The following CSMD1 variants were observed in gnomAD, a reference collection of about 807,000 sequenced individuals.
CSMD1 encodes CUB and Sushi multiple domains 1.
In CSMD1, 213 loss-of-function variants were observed where a neutral mutation model predicts 417.5. The ratio of observed to expected loss-of-function variants is 0.51; its 90% CI spans 0.46 to 0.57. The LOEUF is 0.57. Ranked by LOEUF, CSMD1 falls within the 20% of genes least tolerant of loss-of-function variation. The pLI is 0.00. For synonymous variants in CSMD1, 2,862 were observed against 1,736.8 expected (o/e 1.65, Z -16.11); for missense variants, 6,923 against 4,529.7 (o/e 1.53, Z -15.17).
intron 3 of CSMD1, among the ~76,000 whole-genome samples, chr8:4,071,437 G>A (rs1383924089): frequency 6.6e-6 from 1 of 151,990 alleles, no homozygotes; most frequent in Non-Finnish European, 1.5e-5. Flanking sequence ...TTATTCATTT[G>A]ATTTTCATTT....
intron 41 of CSMD1, among the ~76,000 whole-genome samples, chr8:3,125,255 G>A (rs537101350): frequency 2.0e-5 from 3 of 152,296 alleles, no homozygotes; most frequent in South Asian, 2.1e-4. Flanking sequence ...GTTTCATAGT[G>A]CCTGTGCTGG....
intron 30 of CSMD1, among the ~76,000 whole-genome samples, chr8:3,208,333 G>T (rs10093195): frequency 6.6e-6 from 1 of 151,914 alleles, no homozygotes; most frequent in Non-Finnish European, 1.5e-5. Flanking sequence ...GTGGTGTGAT[G>T]TCAGCTCACT....
At chr8:4,014,925 G>A (rs553296750) in intron 4 of CSMD1, among the ~76,000 whole-genome samples, 11 of 152,204 alleles carry the variant, frequency 7.2e-5, no homozygotes, top group Admixed American at 2.0e-4. Context: ...TTTTAAGCCT[G>A]TTACAAGATT....
chr8:3,209,527 G>T (rs75045786), intron 30 of CSMD1, among the ~76,000 whole-genome samples: 3,201 of 152,020 alleles, frequency 0.021, 108 homozygotes, highest in African/African-American at 0.072. Flanking sequence ...CACCATGTTA[G>T]CCAGGATGTT....
chr8:4,031,884 A>G (rs776502728), intron 4 of CSMD1, 21 bp downstream of exon 4: 2 of 1,587,604 alleles, frequency 1.3e-6, no homozygotes, highest in Non-Finnish European at 1.7e-6. Context: ...TCTGCTCACC[A>G]GCCCCCTTGT....
intron 23 of CSMD1, among the ~76,000 whole-genome samples, chr8:3,331,717 C>A (rs71521840): frequency 6.6e-6 from 1 of 152,170 alleles, no homozygotes; most frequent in Non-Finnish European, 1.5e-5. Flanking sequence ...GTTTCTCTTG[C>A]GTATGTACCT....
intron 6 of CSMD1, among the ~76,000 whole-genome samples, chr8:3,742,214 G>A (rs774246305): frequency 6.6e-6 from 1 of 151,948 alleles, no homozygotes; most frequent in African/African-American, 2.4e-5. Context: ...ATTCCAATCT[G>A]GATGTTCTGT....
chr8:4,642,068 T>G (rs537594211), intron 1 of CSMD1, among the ~76,000 whole-genome samples: 1 of 152,302 alleles, frequency 6.6e-6, no homozygotes, highest in Admixed American at 6.5e-5. Context: ...ACGAAGTGCC[T>G]TGCTTTGGAG....
intron 56 of CSMD1, among the ~76,000 whole-genome samples, chr8:2,973,992 A>C (rs918339645): frequency 7.0e-6 from 1 of 142,036 alleles, no homozygotes; most frequent in Non-Finnish European, 1.5e-5. Flanking sequence ...ATGGTGGTAG[A>C]GGATGATGGT....
At chr8:4,385,502 A>G (rs1241936527) in intron 3 of CSMD1, among the ~76,000 whole-genome samples, 1 of 152,166 alleles carries the variant, frequency 6.6e-6, no homozygotes, top group African/African-American at 2.4e-5. Context: ...GCTTAGTACT[A>G]CCGTATTAGT....
At chr8:4,124,984 G>A (rs9314518) in intron 3 of CSMD1, among the ~76,000 whole-genome samples, 1 of 151,132 alleles carries the variant, frequency 6.6e-6, no homozygotes, top group South Asian at 2.1e-4. Context: ...TGTCGCTTTT[G>A]CTTTCCTTTC....
At chr8:4,940,703 T>A (rs1807939107) in intron 1 of CSMD1, among the ~76,000 whole-genome samples, 1 of 152,172 alleles carries the variant, frequency 6.6e-6, no homozygotes, top group South Asian at 2.1e-4. Flanking sequence ...ATCAACCAAT[T>A]AAAATATGCA....
rs186394937 is a variant in CSMD1, at chr8:3,546,498, C to A, written c.1344+28447G>T. ...TTGTGGTGAGTCAAGATCCTGCCAC[C>A]GCACTCCAGCCTGGTGACAGAGTGA... On this transcript the variant is annotated intron_variant, in intron 10 of 69. Transcript: ENST00000635120. Among the ~76,000 whole-genome samples, 624 of 150,858 alleles carry A rather than the reference C, an allele frequency of 4.1e-3. 5 individuals carry two copies. The highest frequency in any genetic ancestry group is 9.7e-3 in the Admixed American group (146 of 15,112).
intron 21 of CSMD1, among the ~76,000 whole-genome samples, chr8:3,348,542 T>G (rs1384815461): frequency 6.6e-6 from 1 of 152,140 alleles, no homozygotes; most frequent in East Asian, 1.9e-4. Context: ...CCCCACCAGT[T>G]CCCACGCTCC....
intron 1 of CSMD1, among the ~76,000 whole-genome samples, chr8:4,927,506 C>T (rs1208909661): frequency 6.6e-6 from 1 of 152,116 alleles, no homozygotes; most frequent in Non-Finnish European, 1.5e-5. Context: ...CTCTGCGATG[C>T]CAGTCCTTTT....
chr8:4,876,395 C>T lies in CSMD1; in HGVS notation c.85+117937G>A, dbSNP rs181618721. On this transcript the variant is annotated intron_variant, in intron 1 of 69. Transcript: ENST00000635120. ...TACCTCTCTGAAATACAGAGCAAAC[C>T]GTTAAAGGAGTACAAGTGGCCTGTT... Among the ~76,000 whole-genome samples, 22 of 152,078 alleles carry T rather than the reference C, an allele frequency of 1.4e-4. 1 individual carries two copies. Among genetic ancestry groups the T allele is most frequent in the African/African-American group, 5.1e-4 (21 of 41,444 alleles).
chr8:3,538,384 G>A (rs919855866), intron 10 of CSMD1, among the ~76,000 whole-genome samples: 3 of 152,032 alleles, frequency 2.0e-5, no homozygotes, highest in African/African-American at 7.3e-5. Context: ...TTCCACACCT[G>A]GGCTGGTGCA....
chr8:4,045,447 C>G (rs1201387181), intron 3 of CSMD1, among the ~76,000 whole-genome samples: 5 of 152,132 alleles, frequency 3.3e-5, no homozygotes, highest in African/African-American at 1.2e-4. Context: ...CTGCTGAGAA[C>G]GTCGGAAGGG....
intron 3 of CSMD1, among the ~76,000 whole-genome samples, chr8:4,055,386 G>C (rs919270581): frequency 1.4e-4 from 21 of 151,744 alleles, no homozygotes; most frequent in African/African-American, 4.6e-4. Context: ...AACTTACTAA[G>C]TGATTAATCC....
Sources: allele counts gnomAD v4.1 joint callset (sites outside exome capture counted in the v4.1 genomes callset), GRCh38; gene constraint gnomAD v4.1.1; transcripts MANE v1.5; gene names NCBI Gene and HGNC (gene_info 2026-07-23, HGNC 2026-07-21).